ATRNL1: variants seen among roughly 807,000 people sequenced by gnomAD.
The protein encoded by ATRNL1 is attractin-like protein 1.
A neutral mutation model predicts 182.7 loss-of-function variants in ATRNL1; 95 were observed. That is an observed-to-expected ratio of 0.52 (90% confidence interval 0.44 to 0.62). The LOEUF is 0.62. Among genes scored for constraint, ATRNL1 ranks in the 20% least tolerant of loss-of-function variants. The probability of loss-of-function intolerance (pLI) is 0.00; values close to 1 mark genes in which losing one functional copy is unlikely to be tolerated. For synonymous variants in ATRNL1, 576 were observed against 568.3 expected (o/e 1.01, Z -0.19); for missense variants, 1,471 against 1,679.5 (o/e 0.88, Z 2.17).
chr10:115,692,025 G>T (rs1214804138), intron 26 of ATRNL1, among the ~76,000 whole-genome samples: 6 of 152,090 alleles, frequency 3.9e-5, no homozygotes, highest in Admixed American at 1.3e-4. Context: ...TCATATCCAA[G>T]AAATCATTGA....
At chr10:115,645,494 T>TTA (rs1260383371) in intron 26 of ATRNL1, among the ~76,000 whole-genome samples, 18 of 147,428 alleles carry the variant, frequency 1.2e-4, no homozygotes, top group South Asian at 1.1e-3. Flanking sequence ...TAATAGAGAT[T>TTA]TATATATATA....
intron 24 of ATRNL1, among the ~76,000 whole-genome samples, chr10:115,505,066 T>A (rs1313752757): frequency 1.3e-5 from 2 of 152,078 alleles, no homozygotes; most frequent in Middle Eastern, 3.2e-3. Context: ...CATAATAAGG[T>A]ACTGAGACAA....
intron 27 of ATRNL1, among the ~76,000 whole-genome samples, chr10:115,743,856 T>C (rs1415819209): frequency 2.0e-5 from 3 of 152,074 alleles, no homozygotes; most frequent in Non-Finnish European, 4.4e-5. Flanking sequence ...AGAACTTTGT[T>C]TAGAAAAAAT....
At chr10:115,525,219 G>C (rs1012411727) in intron 25 of ATRNL1, among the ~76,000 whole-genome samples, 4 of 152,166 alleles carry the variant, frequency 2.6e-5, no homozygotes, top group African/African-American at 9.7e-5. Flanking sequence ...TAGTACCACT[G>C]TTGGCTGCCC....
At chr10:115,839,276 A>G (rs1555096419) in intron 27 of ATRNL1, among the ~76,000 whole-genome samples, 2 of 152,140 alleles carry the variant, frequency 1.3e-5, no homozygotes, top group Non-Finnish European at 1.5e-5. Context: ...TGATGCGCAC[A>G]TCTTGATGAA....
At position 115,266,135 on chromosome 10, in the gene ATRNL1, C is replaced by G. The variant is rs200484230; in HGVS notation, c.1773-662C>G. 2.0e-5 allele frequency among the ~76,000 whole-genome samples: 3 copies of G among 151,664 alleles called. No individual in the cohort carries two copies. In the East Asian group the frequency reaches 5.8e-4, roughly 29 times the overall value. ...TTCTTGAAGACTTTTTTGACTGATT[C>G]AATTTATTATGTTAATAATATTTTT... On this transcript the variant is annotated intron_variant, in intron 11 of 28. Coordinates refer to ENST00000355044, the MANE Select transcript of ATRNL1 (RefSeq NM_207303.4).
Position 115,855,865 on chromosome 10 carries a change from A to G in ATRNL1, c.4018+7874A>G, listed in dbSNP as rs144566698. On this transcript the variant is annotated intron_variant, in intron 28 of 28. Coordinates refer to ENST00000355044, the MANE Select transcript of ATRNL1 (RefSeq NM_207303.4). ...ATGACACAAAACAATAAAGCAATTT[A>G]TATTTCCAATGTAGCATGTCTGAAA... is the stretch of plus-strand genomic sequence containing the variant. 2.6e-5 allele frequency among the ~76,000 whole-genome samples: 4 copies of G among 152,324 alleles called. No homozygotes were observed. In the South Asian group the frequency reaches 6.2e-4, roughly 24 times the overall value.
At chr10:115,477,963 C>T (rs1390245968) in intron 24 of ATRNL1, among the ~76,000 whole-genome samples, 1 of 151,662 alleles carries the variant, frequency 6.6e-6, no homozygotes, top group Non-Finnish European at 1.5e-5. Context: ...CTTGCTTTCT[C>T]ATTGTCAGTA....
chr10:115,402,977 G>A (rs840105), intron 20 of ATRNL1, among the ~76,000 whole-genome samples: 57,791 of 151,934 alleles, frequency 0.38, 12,143 homozygotes, highest in African/African-American at 0.56. Context: ...AAATGTTGCC[G>A]TAGGAGGATC....
intron 8 of ATRNL1, among the ~76,000 whole-genome samples, chr10:115,189,278 C>T (rs1463910932): frequency 6.6e-6 from 1 of 151,294 alleles, no homozygotes; most frequent in African/African-American, 2.4e-5. Flanking sequence ...TAATAAACAA[C>T]TATGTTAGTG....
chr10:115,245,429 G>A (rs1554903826), intron 10 of ATRNL1, among the ~76,000 whole-genome samples: 1 of 149,586 alleles, frequency 6.7e-6, no homozygotes, highest in East Asian at 2.0e-4. Flanking sequence ...TACCCTGGAG[G>A]TGGAGGTTTC....
chr10:115,426,225 T>C, intron 20 of ATRNL1, 25 bp from the exon 21 acceptor site: 3 of 1,604,762 alleles, frequency 1.9e-6, no homozygotes, highest in East Asian at 2.2e-5. Flanking sequence ...TGTTTAATAG[T>C]AAATGAGTTT....
rs111314091 is a variant in ATRNL1 at position 115,613,422 on chromosome 10, G to A, written c.3795+63886G>A. On this transcript the variant is annotated intron_variant, in intron 26 of 28. Transcript: ENST00000355044. ...ATCTTGTTGATGCTCTGTTAGATTC[G>A]CTTTGCTAGTATTTCTGTTGATTTT... Among the ~76,000 whole-genome samples the A allele has an allele frequency of 8.5e-3, 1,297 of 152,114 alleles. 18 individuals are homozygous for A. Among genetic ancestry groups the A allele is most frequent in the African/African-American group, 0.027 (1,104 of 41,516 alleles).
chr10:115,922,152 T>G (rs1182357865), intron 28 of ATRNL1, among the ~76,000 whole-genome samples: 1 of 152,128 alleles, frequency 6.6e-6, no homozygotes, highest in Non-Finnish European at 1.5e-5. Flanking sequence ...TTGCTTGAAG[T>G]GAAGAAATTG....
Position 115,093,905 on chromosome 10 carries a change from C to T in ATRNL1, c.155C>T (p.Ala52Val), listed in dbSNP as rs782639550. 5.6e-6 allele frequency: 9 copies of T among 1,597,634 alleles called. No homozygotes were observed. The highest frequency in any genetic ancestry group is 1.7e-5 in the Admixed American group (1 of 58,438). Reference protein sequence around the residue: ...WLLCYGFLYLALYAQVSQSKP... With the variant: ...WLLCYGFLYLVLYAQVSQSKP... ...CTGTGCTATGGCTTCCTCTACCTGG[C>T]GCTCTACGCGCAGGTGTCCCAGTCC... Residue 52 changes from alanine (A) to valine (V), a missense_variant, in exon 1 of 29, where the codon GCG becomes GTG. Transcript: ENST00000355044. The surrounding 1 kb of genome is among the most constrained non-coding windows in gnomAD (Gnocchi z 6.1).
At chr10:115,938,015 CCTG>C (rs1335168029) in intron 28 of ATRNL1, among the ~76,000 whole-genome samples, 1 of 152,142 alleles carries the variant, frequency 6.6e-6, no homozygotes, top group Non-Finnish European at 1.5e-5. Flanking sequence ...TATAATGGTG[CCTG>C]CTTTTACACA....
At chr10:115,791,732 C>G (rs1230384786) in intron 27 of ATRNL1, among the ~76,000 whole-genome samples, 1 of 152,134 alleles carries the variant, frequency 6.6e-6, no homozygotes, top group African/African-American at 2.4e-5. Flanking sequence ...CCTTCCATCT[C>G]TTTCCAACCT....
chr10:115,644,865 G>A (rs984594181), intron 26 of ATRNL1, among the ~76,000 whole-genome samples: 3 of 152,082 alleles, frequency 2.0e-5, no homozygotes, highest in Non-Finnish European at 4.4e-5. Flanking sequence ...TGTTATACAT[G>A]CTTAATTGGG....
Position 115,160,166 on chromosome 10 carries a change from T to C in ATRNL1, c.956T>C (p.Val319Ala), listed in dbSNP as rs1317230622. The C allele has an allele frequency of 2.5e-6, 4 of 1,612,534 alleles. No homozygotes were observed. The highest frequency in any genetic ancestry group is 2.5e-6 in the Non-Finnish European group (3 of 1,179,102). The change falls in exon 6 of 29, where the codon GTG becomes GCG. Residue 319 changes from valine to alanine, a missense_variant. This residue lies in a region of ATRNL1 where 1,031 missense variants were observed against 1,156.0 expected (regional missense o/e 0.89). Transcript: ENST00000355044. The stretch of plus-strand genomic sequence containing the variant: ...GTTTTACACGGGAAATTTATGTGGG[T>C]GATTGGTGGATATACTTTTAACTAC... ...KAVLHGKFMW[V>A]IGGYTFNYSS... is the part of the protein sequence containing the mutation.
Sources: gnomAD v4.1 joint callset for allele counts (sites outside exome capture counted in the v4.1 genomes callset) on GRCh38, gnomAD v4.1.1 for gene constraint, gnomAD v4.1.1 regional missense constraint, Gnocchi (gnomAD v3.1) non-coding constraint, MANE v1.5 for transcripts, NCBI Gene and HGNC (gene_info 2026-07-23, HGNC 2026-07-21) for gene names.